The following EYS variants were observed in gnomAD, a reference collection of about 807,000 sequenced individuals.
The protein encoded by EYS is protein eyes shut homolog.
In EYS, 250 loss-of-function variants were observed where a neutral mutation model predicts 282.1. The observed-to-expected ratio is 0.89, with a 90% CI of 0.80 to 0.98. The LOEUF (loss-of-function observed/expected upper bound fraction) is 0.98. EYS is among the 50% of genes least tolerant of loss of function. The pLI is 0.00. For missense variants in EYS, 4,016 were observed against 3,709.0 expected, an observed-to-expected ratio of 1.08 and a Z score of -2.15; for synonymous variants, 1,355 against 1,282.9, an observed-to-expected ratio of 1.06 and a Z score of -1.20.
intron 26 of EYS, among the ~76,000 whole-genome samples, chr6:64,525,084 A>C (rs1040297177): frequency 1.3e-5 from 2 of 151,790 alleles, no homozygotes; most frequent in African/African-American, 4.8e-5. Context: ...TGGGAGTGTA[A>C]ATTAGTTCAA....
chr6:65,005,275 A>T (rs1458958801), intron 13 of EYS, among the ~76,000 whole-genome samples: 1 of 147,736 alleles, frequency 6.8e-6, no homozygotes, highest in African/African-American at 2.4e-5. Context: ...GCCTGCGTTC[A>T]TCCTAATCGA....
intron 2 of EYS, among the ~76,000 whole-genome samples, chr6:65,568,195 T>C (rs988575549): frequency 2.4e-4 from 36 of 152,166 alleles, no homozygotes; most frequent in African/African-American, 8.4e-4. Flanking sequence ...TCCATATCCA[T>C]TCATTCCTCC....
chr6:64,195,433 G>T (rs1005405343), intron 31 of EYS, among the ~76,000 whole-genome samples: 1 of 152,138 alleles, frequency 6.6e-6, no homozygotes, highest in Admixed American at 6.5e-5. Flanking sequence ...CTCCCAAGTA[G>T]CTGGGACTAC....
intron 22 of EYS, among the ~76,000 whole-genome samples, chr6:64,726,019 G>T (rs913359724): frequency 6.6e-6 from 1 of 152,064 alleles, no homozygotes. Flanking sequence ...TAATGTTACA[G>T]GTTCAAAAAT....
chr6:64,017,204 G>A (rs1768936039), intron 33 of EYS, among the ~76,000 whole-genome samples: 1 of 151,984 alleles, frequency 6.6e-6, no homozygotes, highest in African/African-American at 2.4e-5. Context: ...GGAAGGAGAG[G>A]GAGGCATACT....
intron 29 of EYS, among the ~76,000 whole-genome samples, chr6:64,340,805 C>T (rs1279453427): frequency 6.6e-6 from 1 of 151,826 alleles, no homozygotes; most frequent in Non-Finnish European, 1.5e-5. Flanking sequence ...AAAATATTTA[C>T]AAACTATACA....
chr6:65,434,053 C>A (rs2150386469), intron 5 of EYS, among the ~76,000 whole-genome samples: 1 of 152,272 alleles, frequency 6.6e-6, no homozygotes, highest in African/African-American at 2.4e-5. Context: ...CCAGATAAAC[C>A]ATTTTTTATT....
At chr6:65,397,795 A>G (rs887292999) in intron 7 of EYS, among the ~76,000 whole-genome samples, 5 of 152,042 alleles carry the variant, frequency 3.3e-5, no homozygotes, top group African/African-American at 1.2e-4. Context: ...GCTGGATAAA[A>G]TGGTAATTCT....
chr6:65,055,114 T>G (rs970149082), intron 13 of EYS, among the ~76,000 whole-genome samples: 1 of 152,042 alleles, frequency 6.6e-6, no homozygotes, highest in Non-Finnish European at 1.5e-5. Context: ...CCTGAGTAGC[T>G]AGGACCACAA....
At chr6:64,856,907 T>C (rs1766081806) in intron 19 of EYS, among the ~76,000 whole-genome samples, 1 of 152,210 alleles carries the variant, frequency 6.6e-6, no homozygotes, top group East Asian at 1.9e-4. Flanking sequence ...TCAGAAGTTT[T>C]ATATTTTTGT....
At chr6:63,934,126 G>A (rs1046940198) in intron 35 of EYS, among the ~76,000 whole-genome samples, 3 of 152,186 alleles carry the variant, frequency 2.0e-5, no homozygotes, top group African/African-American at 7.2e-5. Context: ...AGACACTTAT[G>A]CAGCCAAAAG....
chr6:64,125,404 CTT>C (rs527569208), intron 31 of EYS, among the ~76,000 whole-genome samples: 2 of 145,340 alleles, frequency 1.4e-5, no homozygotes, highest in African/African-American at 2.5e-5. Flanking sequence ...GAAAGGAGCA[CTT>C]TTTTTTTTTT....
At chr6:64,143,221 C>T (rs1161173199) in intron 31 of EYS, among the ~76,000 whole-genome samples, 1 of 151,942 alleles carries the variant, frequency 6.6e-6, no homozygotes, top group African/African-American at 2.4e-5. Context: ...GGAAACTACT[C>T]TATATGATAC....
chr6:63,998,780 T>C (rs1292254800), intron 34 of EYS, among the ~76,000 whole-genome samples: 2 of 142,902 alleles, frequency 1.4e-5, no homozygotes, highest in Non-Finnish European at 3.1e-5. Context: ...CTTTCCCCAC[T>C]CTGGAGCTGT....
intron 31 of EYS, among the ~76,000 whole-genome samples, chr6:64,100,260 CTG>C (rs1306635879): frequency 6.6e-6 from 1 of 152,060 alleles, no homozygotes; most frequent in East Asian, 1.9e-4. Context: ...GCCTAACTTC[CTG>C]TTCTTTAATT....
intron 35 of EYS, among the ~76,000 whole-genome samples, chr6:63,950,394 C>T (rs907979149): frequency 2.6e-5 from 4 of 151,848 alleles, no homozygotes; most frequent in South Asian, 4.2e-4. Context: ...TGTTGTGACC[C>T]CCGCCCCTGC....
At chr6:64,358,837 G>A (rs1305102492) in intron 29 of EYS, among the ~76,000 whole-genome samples, 1 of 151,692 alleles carries the variant, frequency 6.6e-6, no homozygotes. Context: ...CAAAGCAGAA[G>A]AAATGTCAAA....
intron 29 of EYS, among the ~76,000 whole-genome samples, chr6:64,311,138 C>G (rs576661203): frequency 1.3e-5 from 2 of 152,058 alleles, no homozygotes; most frequent in African/African-American, 4.8e-5. Flanking sequence ...AAGTACTGAG[C>G]CTTAATACTA....
intron 31 of EYS, among the ~76,000 whole-genome samples, chr6:64,135,687 A>G (rs182810732): frequency 5.6e-4 from 85 of 152,224 alleles, no homozygotes; most frequent in Non-Finnish European, 9.9e-4. Flanking sequence ...TTTCCAGTGT[A>G]TATAAAAGCT....
Sources: allele counts gnomAD v4.1 joint callset (sites outside exome capture counted in the v4.1 genomes callset), GRCh38; gene constraint gnomAD v4.1.1; transcripts MANE v1.5; gene names NCBI Gene and HGNC (gene_info 2026-07-23, HGNC 2026-07-21).